Variants in TBC1D5 observed in about 807,000 individuals in gnomAD.
TBC1D5 encodes TBC1 domain family, member 5.
Under a neutral mutation model 100.3 loss-of-function variants are expected in TBC1D5, and 75 were observed. The observed-to-expected ratio is 0.75, with a 90% CI of 0.62 to 0.91. The LOEUF is 0.91. TBC1D5 is among the 40% of genes least tolerant of loss of function. The pLI is 0.00. For missense variants in TBC1D5, 910 were observed against 942.4 expected (o/e 0.97, Z 0.45); for synonymous variants, 323 against 325.6 (o/e 0.99, Z 0.09).
At chr3:17,311,387 G>A (rs1158901026) in intron 13 of TBC1D5, among the ~76,000 whole-genome samples, 2 of 152,000 alleles carry the variant, frequency 1.3e-5, no homozygotes, top group Non-Finnish European at 2.9e-5. Context: ...AAACAGAAAA[G>A]AGTATCTGAG....
At chr3:17,355,936 G>A (rs937991736) in intron 13 of TBC1D5, among the ~76,000 whole-genome samples, 3 of 152,078 alleles carry the variant, frequency 2.0e-5, no homozygotes, top group African/African-American at 7.2e-5. Flanking sequence ...ATTCCAGAGA[G>A]AAAATTCCAG....
At chr3:17,504,779 T>C (rs1320084456) in intron 3 of TBC1D5, among the ~76,000 whole-genome samples, 1 of 152,216 alleles carries the variant, frequency 6.6e-6, no homozygotes, top group Non-Finnish European at 1.5e-5. Context: ...GCCAGATATC[T>C]AGATATCTTC....
intron 4 of TBC1D5, among the ~76,000 whole-genome samples, chr3:17,419,842 A>AT (rs200490715): frequency 2.0e-5 from 3 of 151,798 alleles, no homozygotes; most frequent in African/African-American, 4.8e-5. Flanking sequence ...TGCCTGACTA[A>AT]TTTTTTTAAA....
intron 2 of TBC1D5, among the ~76,000 whole-genome samples, chr3:17,579,259 A>C (rs900551642): frequency 1.3e-5 from 2 of 152,090 alleles, no homozygotes; most frequent in Non-Finnish European, 2.9e-5. Context: ...CTGAAGTAAA[A>C]ATTTCAAATT....
At chr3:17,548,641 A>G (rs1374322682) in intron 2 of TBC1D5, among the ~76,000 whole-genome samples, 1 of 152,188 alleles carries the variant, frequency 6.6e-6, no homozygotes, top group Non-Finnish European at 1.5e-5. Flanking sequence ...AAACATAAAC[A>G]TGGTAGGGAA....
At chr3:17,693,774 C>A (rs1051605322) in intron 1 of TBC1D5, among the ~76,000 whole-genome samples, 9 of 152,238 alleles carry the variant, frequency 5.9e-5, no homozygotes, top group Non-Finnish European at 1.2e-4. Flanking sequence ...GATGGACTGC[C>A]TCCTCAATTG....
At chr3:17,641,368 AG>A (rs2064483760) in intron 1 of TBC1D5, among the ~76,000 whole-genome samples, 1 of 152,110 alleles carries the variant, frequency 6.6e-6, no homozygotes, top group Non-Finnish European at 1.5e-5. Context: ...TACCAGCATG[AG>A]TTCTAGAGCC....
intron 13 of TBC1D5, among the ~76,000 whole-genome samples, chr3:17,340,970 G>A (rs1033692811): frequency 6.6e-6 from 1 of 152,020 alleles, no homozygotes; most frequent in Non-Finnish European, 1.5e-5. Context: ...AACTTACAAC[G>A]TTCTGAAAAT....
intron 16 of TBC1D5, among the ~76,000 whole-genome samples, chr3:17,252,006 C>T (rs751503323): frequency 1.3e-5 from 2 of 152,194 alleles, no homozygotes; most frequent in African/African-American, 4.8e-5. Context: ...AGTCTGCAAT[C>T]TCCTACACTA....
chr3:17,660,145 C>T (rs1577293220), intron 1 of TBC1D5, among the ~76,000 whole-genome samples: 2 of 152,156 alleles, frequency 1.3e-5, no homozygotes, highest in South Asian at 2.1e-4. Context: ...AAATACCTAA[C>T]TAGTATTTCT....
intron 12 of TBC1D5, among the ~76,000 whole-genome samples, chr3:17,373,710 A>G (rs541947342): frequency 6.6e-6 from 1 of 152,238 alleles, no homozygotes; most frequent in East Asian, 1.9e-4. Flanking sequence ...CCACAATATG[A>G]ACACTGAAAA....
chr3:17,337,539 A>G (rs2088119583), intron 13 of TBC1D5: 1 of 152,190 alleles, frequency 6.6e-6, no homozygotes, highest in Admixed American at 6.5e-5. Context: ...AAATATGGCG[A>G]AAATCTTGGA....
intron 1 of TBC1D5, among the ~76,000 whole-genome samples, chr3:17,653,310 C>T (rs370434638): frequency 1.3e-5 from 2 of 151,818 alleles, no homozygotes; most frequent in African/African-American, 4.8e-5. Flanking sequence ...TTTATGTTAC[C>T]TTAAAAAATA....
At position 17,375,711 on chromosome 3, in the gene TBC1D5, A is replaced by T. The variant is rs185491847; in HGVS notation, c.701+814T>A. 1.0e-3 allele frequency among the ~76,000 whole-genome samples: 159 copies of T among 152,290 alleles called. 2 individuals are homozygous for T. The South Asian group carries it at 0.018, about 17-fold the overall frequency. On this transcript the variant is annotated intron_variant, in intron 10 of 21. Coordinates refer to ENST00000253692, the Ensembl canonical transcript of TBC1D5. ...CAGTAAAATTAGCAAAGCTTCAAGG[A>T]AACTTGAAAATACTAATCTATAAAC... is the stretch of plus-strand genomic sequence containing the variant.
intron 13 of TBC1D5, among the ~76,000 whole-genome samples, chr3:17,309,803 C>G (rs1382289124): frequency 1.3e-5 from 2 of 152,020 alleles, no homozygotes; most frequent in Admixed American, 6.6e-5. Flanking sequence ...GAGATGGGCA[C>G]AGCAAAAAAG....
chr3:17,291,428 T>C (rs1177130388), intron 15 of TBC1D5, among the ~76,000 whole-genome samples: 2 of 152,244 alleles, frequency 1.3e-5, no homozygotes, highest in Non-Finnish European at 2.9e-5. Flanking sequence ...ATAAGAAATA[T>C]TAATACATAT....
intron 4 of TBC1D5, among the ~76,000 whole-genome samples, chr3:17,411,878 C>G (rs994021416): frequency 6.6e-6 from 1 of 152,112 alleles, no homozygotes; most frequent in Non-Finnish European, 1.5e-5. Flanking sequence ...TGGGTACTTA[C>G]AGTTCTAATT....
intron 1 of TBC1D5, among the ~76,000 whole-genome samples, chr3:17,624,309 C>T (rs1456505126): frequency 6.6e-6 from 1 of 152,126 alleles, no homozygotes; most frequent in Non-Finnish European, 1.5e-5. Context: ...TTGCATGTTA[C>T]ATGATGCCTT....
chr3:17,678,221 G>T (rs1263161070), intron 1 of TBC1D5, among the ~76,000 whole-genome samples: 1 of 152,068 alleles, frequency 6.6e-6, no homozygotes, highest in African/African-American at 2.4e-5. Context: ...CAATAAACTA[G>T]TAATTATAAT....
Sources: gnomAD v4.1 joint callset for allele counts (sites outside exome capture counted in the v4.1 genomes callset) on GRCh38, gnomAD v4.1.1 for gene constraint, MANE v1.5 for transcripts, NCBI Gene and HGNC (gene_info 2026-07-23, HGNC 2026-07-21) for gene names.